The following GALK2 variants were observed in gnomAD, a reference collection of about 807,000 sequenced individuals.
The protein encoded by GALK2 is galactokinase 2.
GALK2 carries 36 observed loss-of-function variants against 52.4 expected under a neutral mutation model. That is an observed-to-expected ratio of 0.69 (90% confidence interval 0.53 to 0.91). The LOEUF (loss-of-function observed/expected upper bound fraction) is 0.91, where lower values mean the gene tolerates loss of function less well. GALK2 is among the 40% of genes least tolerant of loss of function. The probability of loss-of-function intolerance (pLI) is 0.00; values close to 1 mark genes in which losing one functional copy is unlikely to be tolerated. For missense variants in GALK2, 579 were observed against 559.1 expected, an observed-to-expected ratio of 1.04 and a Z score of -0.36; for synonymous variants, 176 against 199.1, an observed-to-expected ratio of 0.88 and a Z score of 0.98.
chr15:49,365,242 C>T, intron 3 of GALK2: 1 of 1,106,304 alleles, frequency 9.0e-7, no homozygotes, highest in East Asian at 2.3e-5. Flanking sequence ...CCTTACATTT[C>T]CAGGCAACAA....
chr15:49,351,069 A>C (rs752708659), intron 3 of GALK2, among the ~76,000 whole-genome samples: 17 of 152,100 alleles, frequency 1.1e-4, no homozygotes, highest in Non-Finnish European at 2.1e-4. Context: ...CTCTACAATC[A>C]ATGAATTTTT....
At chr15:49,265,430 C>T (rs1400643034) in intron 5 of GALK2, among the ~76,000 whole-genome samples, 1 of 152,216 alleles carries the variant, frequency 6.6e-6, no homozygotes, top group Non-Finnish European at 1.5e-5. Context: ...CGGAAAAGCG[C>T]AGTGTTGGGT....
chr15:49,322,380 TCTGG>T (rs1451457630), intron 9 of GALK2, among the ~76,000 whole-genome samples: 1 of 152,254 alleles, frequency 6.6e-6, no homozygotes, highest in Non-Finnish European at 1.5e-5. Flanking sequence ...AAGATTATCT[TCTGG>T]CTTGTTGGCC....
At chr15:49,178,186 A>G in intron 1 of GALK2, among the ~76,000 whole-genome samples, 1 of 66,764 alleles carries the variant, frequency 1.5e-5, no homozygotes, top group East Asian at 3.9e-4. Context: ...AAAAAAAAAA[A>G]AAGAAATACT....
rs187204414 is a variant in GALK2, at chr15:49,224,459, G to A, written c.266+7146G>A. Among the ~76,000 whole-genome samples the A allele has an allele frequency of 6.5e-3, 985 of 152,192 alleles. 15 individuals carry two copies. Among genetic ancestry groups the A allele is most frequent in the African/African-American group, 0.022 (929 of 41,546 alleles). On this transcript the variant is annotated intron_variant, in intron 3 of 9. Coordinates refer to ENST00000560031, the MANE Select transcript of GALK2 (RefSeq NM_002044.4). ...TTCTTCTAGGATTCATACAGCTTGA[G>A]GTCTTATATTTAAATCTTTTATCCA... is the stretch of plus-strand genomic sequence containing the variant.
At chr15:49,351,360 AC>A (rs2042216887) in intron 3 of GALK2, among the ~76,000 whole-genome samples, 1 of 152,226 alleles carries the variant, frequency 6.6e-6, no homozygotes, top group Non-Finnish European at 1.5e-5. Context: ...GAAAGAAGAT[AC>A]GGCCAATTCC....
chr15:49,335,906 G>A (rs188121288), downstream of GALK2, among the ~76,000 whole-genome samples: 174 of 152,270 alleles, frequency 1.1e-3, 2 homozygotes, highest in African/African-American at 3.9e-3. Flanking sequence ...AGGCTGGAGT[G>A]TGGTAACATG....
At chr15:49,340,891 T>C (rs980260672) in intron 3 of GALK2, among the ~76,000 whole-genome samples, 7 of 152,302 alleles carry the variant, frequency 4.6e-5, no homozygotes, top group Middle Eastern at 3.4e-3. Flanking sequence ...ATTCTTATAG[T>C]GTAAAGTCTT....
In GALK2 at chr15:49,329,679, C is replaced by A; in HGVS notation, c.*1520C>A. 1 of 980,388 alleles carries A rather than the reference C, an allele frequency of 1.0e-6. No homozygotes were observed. Among genetic ancestry groups the A allele is most frequent in the Non-Finnish European group, 1.2e-6 (1 of 825,564 alleles). 60.7% of individuals were successfully genotyped at this position (980,388 alleles called of 1,614,324 possible). A position where few individuals can be genotyped will look rare whatever the true frequency, so the allele number is the denominator to read the frequency against. ...AAATTTGTTAAAAGAATTTTGAGTT[C>A]TATAAATCCAAAAATCTGAAACCTG... On this transcript the variant is annotated 3_prime_UTR_variant, in exon 10 of 10. Transcript: ENST00000560031.
At chr15:49,241,286 G>A (rs1283816648) in intron 5 of GALK2, among the ~76,000 whole-genome samples, 1 of 152,048 alleles carries the variant, frequency 6.6e-6, no homozygotes, top group Admixed American at 6.6e-5. Flanking sequence ...CCATAGGAGT[G>A]GATCAAGATA....
At chr15:49,282,901 A>G (rs568278595) in intron 6 of GALK2, among the ~76,000 whole-genome samples, 17 of 152,324 alleles carry the variant, frequency 1.1e-4, no homozygotes, top group Admixed American at 5.9e-4. Flanking sequence ...CGCAACAGGC[A>G]GACATGAGGG....
At position 49,360,254 on chromosome 15, in the gene GALK2, G is replaced by C. The variant is rs200659932; in HGVS notation, c.427-7237G>C. Among the ~76,000 whole-genome samples the C allele has an allele frequency of 2.1e-4, 30 of 139,808 alleles. No individual in the cohort carries two copies. In the East Asian group the frequency reaches 6.2e-3, roughly 29 times the overall value. 91.7% of individuals were successfully genotyped at this position (139,808 alleles called of 152,430 possible). A position where few individuals can be genotyped will look rare whatever the true frequency, so the allele number is the denominator to read the frequency against. On this transcript the variant is annotated intron_variant, in intron 3 of 3. Transcript: ENST00000558399. ...TATAGTATAAGGAAAAAAAAAAAAA[G>C]TCTGTGTATGCATGTGTGATAGTGG... is the stretch of plus-strand genomic sequence containing the variant.
intron 2 of GALK2, among the ~76,000 whole-genome samples, chr15:49,216,015 G>A (rs142047430): frequency 6.9e-4 from 105 of 152,300 alleles, no homozygotes; most frequent in African/African-American, 2.4e-3. Flanking sequence ...GCACTGCCTT[G>A]ACGAGTTTGG....
At chr15:49,312,667 AC>A (rs1255545833) in intron 8 of GALK2, among the ~76,000 whole-genome samples, 1 of 152,126 alleles carries the variant, frequency 6.6e-6, no homozygotes, top group Non-Finnish European at 1.5e-5. Context: ...TCACTGGAGA[AC>A]CCTGATTAGT....
chr15:49,326,529 C>T (rs1028551120), intron 9 of GALK2, among the ~76,000 whole-genome samples: 2 of 152,126 alleles, frequency 1.3e-5, no homozygotes, highest in South Asian at 2.1e-4. Flanking sequence ...GGATTACAGG[C>T]GTGAGCCACT....
chr15:49,201,529 G>T (rs1426931243), intron 2 of GALK2, among the ~76,000 whole-genome samples: 2 of 152,044 alleles, frequency 1.3e-5, no homozygotes, highest in Non-Finnish European at 2.9e-5. Flanking sequence ...CTAGGCCACA[G>T]GTTAAAATTT....
chr15:49,366,053 T>C, intron 3 of GALK2: 1 of 816,468 alleles, frequency 1.2e-6, no homozygotes, highest in East Asian at 2.4e-5. Flanking sequence ...TCTTCCTTTT[T>C]TTTCCCTCAT....
chr15:49,173,606 A>G (rs1369105723), intron 1 of GALK2, among the ~76,000 whole-genome samples: 1 of 151,898 alleles, frequency 6.6e-6, no homozygotes, highest in Non-Finnish European at 1.5e-5. Context: ...TCCTTATATC[A>G]TTGTTACTAT....
At chr15:49,303,588 T>C (rs1426944654) in intron 8 of GALK2, among the ~76,000 whole-genome samples, 1 of 152,212 alleles carries the variant, frequency 6.6e-6, no homozygotes, top group Non-Finnish European at 1.5e-5. Flanking sequence ...ATTCTTAGTA[T>C]ATTTACTTAT....
Sources: allele counts gnomAD v4.1 joint callset (sites outside exome capture counted in the v4.1 genomes callset), GRCh38; gene constraint gnomAD v4.1.1; transcripts MANE v1.5; gene names NCBI Gene and HGNC (gene_info 2026-07-23, HGNC 2026-07-21).